The following RPL39L variants were observed in gnomAD, a reference collection of about 807,000 sequenced individuals.
RPL39L encodes ribosomal protein eL39-like 2.
For missense variants in RPL39L, 48 were observed against 58.9 expected, an observed-to-expected ratio of 0.81 and a Z score of 0.61; for synonymous variants, 16 against 20.1, an observed-to-expected ratio of 0.80 and a Z score of 0.55.
At chr3:187,133,824 T>C (rs543098193) in intron 1 of RPL39L, among the ~76,000 whole-genome samples, 104 of 152,256 alleles carry the variant, frequency 6.8e-4, no homozygotes, top group African/African-American at 2.4e-3. Context: ...AACCTGGTAG[T>C]GTACTGAAGA....
chr3:187,124,447 T>A (rs933517561), intron 2 of RPL39L, among the ~76,000 whole-genome samples: 5 of 152,074 alleles, frequency 3.3e-5, no homozygotes, highest in African/African-American at 1.2e-4. Context: ...CTCATGAGAT[T>A]TATTAAATCT....
chr3:187,134,483 TAAAAA>T (rs72169562), intron 1 of RPL39L, among the ~76,000 whole-genome samples: 1 of 93,424 alleles, frequency 1.1e-5, no homozygotes, highest in African/African-American at 4.2e-5. Flanking sequence ...GCCTGACTGA[TAAAAA>T]AAAAAAAAAA....
At chr3:187,128,128 C>A (rs143247743) in intron 1 of RPL39L, 66 bp from the exon 2 acceptor site, 28 of 152,238 alleles carry the variant, frequency 1.8e-4, no homozygotes, top group African/African-American at 6.7e-4. Flanking sequence ...TTAAACCTTA[C>A]CTGTGGGTGA....
chr3:187,125,093 A>C (rs2108467559), intron 2 of RPL39L, among the ~76,000 whole-genome samples: 1 of 152,326 alleles, frequency 6.6e-6, no homozygotes, highest in Middle Eastern at 3.4e-3. Flanking sequence ...TAAATAAGGC[A>C]AATACCTACA....
intron 1 of RPL39L, among the ~76,000 whole-genome samples, chr3:187,132,498 CA>C (rs1468651970): frequency 1.3e-5 from 2 of 152,118 alleles, no homozygotes; most frequent in Non-Finnish European, 2.9e-5. Flanking sequence ...TGCTGACAGA[CA>C]AAAGAATGGC....
chr3:187,125,427 G>C, intron 2 of RPL39L, among the ~76,000 whole-genome samples: 1 of 152,160 alleles, frequency 6.6e-6, no homozygotes, highest in Non-Finnish European at 1.5e-5. Context: ...TGGCTGGAAA[G>C]CCTCTATGTG....
At chr3:187,125,749 GGT>G (rs1363586907) in intron 2 of RPL39L, among the ~76,000 whole-genome samples, 1 of 152,120 alleles carries the variant, frequency 6.6e-6, no homozygotes, top group East Asian at 1.9e-4. Flanking sequence ...TGGTCTCTCT[GGT>G]TGACATCAAC....
chr3:187,138,565 G>C (rs990667136), intron 1 of RPL39L, among the ~76,000 whole-genome samples: 1 of 152,220 alleles, frequency 6.6e-6, no homozygotes, highest in African/African-American at 2.4e-5. Flanking sequence ...GAGGCAGATA[G>C]GTAAGACACT....
chr3:187,133,568 CA>C (rs1560201431), intron 1 of RPL39L, among the ~76,000 whole-genome samples: 1 of 151,954 alleles, frequency 6.6e-6, no homozygotes, highest in Non-Finnish European at 1.5e-5. Flanking sequence ...GTGGAAAAGG[CA>C]AAAAATCTGC....
chr3:187,132,714 C>T (rs898920830), intron 1 of RPL39L, among the ~76,000 whole-genome samples: 1 of 152,148 alleles, frequency 6.6e-6, no homozygotes, highest in African/African-American at 2.4e-5. Flanking sequence ...AAGAGCATCG[C>T]TCCTATGCCA....
At position 187,135,164 on chromosome 3, in the gene RPL39L, G is replaced by A. The variant is rs79356779; in HGVS notation, c.-93+4049C>T. Among the ~76,000 whole-genome samples the A allele has an allele frequency of 6.5e-3, 991 of 152,314 alleles. 16 individuals are homozygous for A. The highest frequency in any genetic ancestry group is 0.023 in the African/African-American group (957 of 41,550). On this transcript the variant is annotated intron_variant, in intron 1 of 2. Coordinates refer to ENST00000296277, the MANE Select transcript of RPL39L (RefSeq NM_052969.3). Reference sequence around the variant, plus strand: ...GCAATCTCATTTCAGTCACCTGCAGGTGTCTACTGGGGTGGAGATCCAGCT... The same window carrying A: ...GCAATCTCATTTCAGTCACCTGCAGATGTCTACTGGGGTGGAGATCCAGCT...
At chr3:187,123,602 T>C (rs573500992) in intron 2 of RPL39L, among the ~76,000 whole-genome samples, 16 of 152,196 alleles carry the variant, frequency 1.1e-4, no homozygotes, top group Non-Finnish European at 2.1e-4. Context: ...AGAAAAAAAG[T>C]CTTCAAGAAT....
At chr3:187,130,275 T>C (rs115475741) in intron 1 of RPL39L, among the ~76,000 whole-genome samples, 1,698 of 152,352 alleles carry the variant, frequency 0.011, 32 homozygotes, top group African/African-American at 0.039. Flanking sequence ...TTTCCATTCA[T>C]TGGTTTTATT....
intron 1 of RPL39L, among the ~76,000 whole-genome samples, chr3:187,131,667 T>C (rs1360849900): frequency 6.6e-6 from 1 of 152,252 alleles, no homozygotes. Context: ...TGTTCCTTTT[T>C]TCTAATCTGT....
chr3:187,136,553 A>C (rs1317392919), intron 1 of RPL39L, among the ~76,000 whole-genome samples: 1 of 152,156 alleles, frequency 6.6e-6, no homozygotes, highest in East Asian at 1.9e-4. Flanking sequence ...CTTTGAGTTA[A>C]GCTGGGTTAG....
chr3:187,124,543 C>T (rs2241178), intron 2 of RPL39L, among the ~76,000 whole-genome samples: 28,838 of 152,012 alleles, frequency 0.19, 3,200 homozygotes, highest in Non-Finnish European at 0.2. Context: ...ACATTTCCTG[C>T]CCCTTGCTGT....
intron 1 of RPL39L, among the ~76,000 whole-genome samples, chr3:187,137,313 A>G (rs1001847929): frequency 3.3e-5 from 5 of 151,456 alleles, no homozygotes; most frequent in Admixed American, 3.3e-4. Context: ...GTTCCAGACC[A>G]GCCTGGCCAA....
At position 187,139,248 on chromosome 3, in the gene RPL39L, A is replaced by G. The variant is rs1250325584; in HGVS notation, c.-128T>C. The stretch of plus-strand genomic sequence containing the variant: ...GCCTCTGCTTTTTTCCCACTCTAGG[A>G]CGCAAATCTCGATCTGCAAGGGCCT... On this transcript the variant is annotated 5_prime_UTR_variant, in exon 1 of 3. Coordinates refer to ENST00000296277, the MANE Select transcript of RPL39L (RefSeq NM_052969.3). 2 of 152,148 alleles carry G rather than the reference A, an allele frequency of 1.3e-5. No individual in the cohort carries two copies. The highest frequency in any genetic ancestry group is 2.9e-5 in the Non-Finnish European group (2 of 68,130). 9.4% of individuals were successfully genotyped at this position (152,148 alleles called of 1,614,324 possible).
At chr3:187,136,218 T>C (rs1220422798) in intron 1 of RPL39L, among the ~76,000 whole-genome samples, 3 of 152,348 alleles carry the variant, frequency 2.0e-5, no homozygotes, top group Non-Finnish European at 4.4e-5. Flanking sequence ...ATCGGCAATT[T>C]CTTCACTAAA....
Sources: gnomAD v4.1 joint callset for allele counts (sites outside exome capture counted in the v4.1 genomes callset) on GRCh38, gnomAD v4.1.1 for gene constraint, MANE v1.5 for transcripts, NCBI Gene and HGNC (gene_info 2026-07-23, HGNC 2026-07-21) for gene names.